NAV3: variants seen among roughly 807,000 people sequenced by gnomAD.
NAV3 encodes the protein neuron navigator 3.
NAV3 carries 87 observed loss-of-function variants against 244.7 expected under a neutral mutation model. The ratio of observed to expected loss-of-function variants is 0.36; its 90% CI spans 0.30 to 0.42. The LOEUF is 0.42. Among genes scored for constraint, NAV3 ranks in the 20% least tolerant of loss-of-function variants. NAV3 has a pLI of 1.00. For synonymous variants in NAV3, 1,126 were observed against 1,042.2 expected, an observed-to-expected ratio of 1.08 and a Z score of -1.55; for missense variants, 2,663 against 2,893.3, an observed-to-expected ratio of 0.92 and a Z score of 1.83.
intron 34 of NAV3, among the ~76,000 whole-genome samples, chr12:78,191,811 A>G (rs1038636102): frequency 1.3e-5 from 2 of 152,186 alleles, no homozygotes; most frequent in Admixed American, 6.6e-5. Context: ...GAAAGGTTTG[A>G]AAGGCCTCTT....
intron 12 of NAV3, among the ~76,000 whole-genome samples, chr12:78,082,257 GT>G (rs1319255795): frequency 6.6e-6 from 1 of 152,102 alleles, no homozygotes; most frequent in African/African-American, 2.4e-5. Flanking sequence ...CCAGTCTCAG[GT>G]ATGTCTTTAT....
intron 2 of NAV3, among the ~76,000 whole-genome samples, chr12:77,715,727 C>T (rs146332060): frequency 1.1e-3 from 160 of 152,100 alleles, no homozygotes; most frequent in African/African-American, 3.5e-3. Flanking sequence ...CAGGCACATA[C>T]AGGCTGAGTA....
At chr12:77,653,185 C>T (rs1019315595) in intron 2 of NAV3, among the ~76,000 whole-genome samples, 1 of 152,284 alleles carries the variant, frequency 6.6e-6, no homozygotes, top group South Asian at 2.1e-4. Context: ...TCTAAGCTGC[C>T]AAAATGCTCA....
At chr12:77,602,718 G>A (rs1223102738) in intron 2 of NAV3, among the ~76,000 whole-genome samples, 1 of 151,968 alleles carries the variant, frequency 6.6e-6, no homozygotes, top group Non-Finnish European at 1.5e-5. Flanking sequence ...CATAATAGCA[G>A]TCTTTAACTT....
upstream of NAV3, chr12:77,830,789 C>T (rs1819057462): frequency 6.6e-6 from 1 of 152,166 alleles, no homozygotes; most frequent in African/African-American, 2.4e-5. Context: ...AAAGTTCTTC[C>T]AACAGCTGTT....
intron 37 of NAV3, 88 bp downstream of exon 37, chr12:78,199,619 C>A (rs1200081924): frequency 1.0e-6 from 1 of 958,130 alleles, no homozygotes; most frequent in African/African-American, 1.7e-5. Context: ...AAATAACAAG[C>A]AAAGCTAATG....
upstream of NAV3, among the ~76,000 whole-genome samples, chr12:77,828,795 A>G (rs1205080128): frequency 6.6e-6 from 1 of 152,220 alleles, no homozygotes; most frequent in Non-Finnish European, 1.5e-5. Context: ...TTCAAAGTGA[A>G]AAGACATCTT....
At chr12:77,938,039 C>T (rs985386984) in intron 1 of NAV3, among the ~76,000 whole-genome samples, 1 of 152,114 alleles carries the variant, frequency 6.6e-6, no homozygotes, top group Non-Finnish European at 1.5e-5. Context: ...AGTAAGTGGT[C>T]TCAAGTCAGA....
intron 1 of NAV3, among the ~76,000 whole-genome samples, chr12:77,857,642 T>G (rs1342341435): frequency 6.6e-6 from 1 of 151,842 alleles, no homozygotes; most frequent in Admixed American, 6.6e-5. Context: ...ATGACATTAC[T>G]TTAGTGTGAA....
Position 78,210,612 on chromosome 12 carries a change from C to A in NAV3, c.*95C>A, listed in dbSNP as rs1030712828. ...AAACCACTGCCAGTATAAAAGCACC[C>A]TGTCAAGGGCCCTGACCCAGAGTTG... On this transcript the variant is annotated 3_prime_UTR_variant, in exon 40 of 40. Transcript: ENST00000397909. 14 of 1,431,920 alleles carry A rather than the reference C, an allele frequency of 9.8e-6. No homozygotes were observed. Among genetic ancestry groups the A allele is most frequent in the Non-Finnish European group, 1.3e-5 (14 of 1,062,984 alleles). The allele number at this position is 1,431,920 out of a possible 1,614,324, so 88.7% of individuals were successfully genotyped here. A position where few individuals can be genotyped will look rare whatever the true frequency, so the allele number is the denominator to read the frequency against.
At chr12:78,207,905 G>A (rs1036534143) in intron 39 of NAV3, among the ~76,000 whole-genome samples, 4 of 152,120 alleles carry the variant, frequency 2.6e-5, no homozygotes, top group African/African-American at 9.7e-5. Flanking sequence ...GAAGGAGATA[G>A]GATGGAATCT....
At chr12:77,938,399 C>G (rs1889534250) in intron 1 of NAV3, among the ~76,000 whole-genome samples, 1 of 152,146 alleles carries the variant, frequency 6.6e-6, no homozygotes, top group African/African-American at 2.4e-5. Flanking sequence ...TCTTACCCTT[C>G]AATATCTTCA....
chr12:77,733,338 G>T (rs1877203731), intron 2 of NAV3, among the ~76,000 whole-genome samples: 2 of 151,934 alleles, frequency 1.3e-5, no homozygotes, highest in Admixed American at 6.6e-5. Context: ...AGGAAGAAGA[G>T]CATTTGGGAG....
intron 1 of NAV3, among the ~76,000 whole-genome samples, chr12:77,873,722 ATCTAAATACATATGTGTG>A (rs1565878604): frequency 1.0e-5 from 1 of 100,412 alleles, no homozygotes; most frequent in African/African-American, 3.4e-5. Context: ...TGATTTGCTT[ATCTAAATACATATGTGTG>A]TGTGTATATA....
intron 22 of NAV3, among the ~76,000 whole-genome samples, chr12:78,154,642 C>T (rs1957228652): frequency 6.6e-6 from 1 of 151,602 alleles, no homozygotes; most frequent in South Asian, 2.1e-4. Context: ...ATAGACTTCA[C>T]CTAACACAAG....
intron 8 of NAV3, among the ~76,000 whole-genome samples, chr12:78,017,362 G>C (rs1296531477): frequency 6.6e-6 from 1 of 152,132 alleles, no homozygotes; most frequent in African/African-American, 2.4e-5. Context: ...GAACCAGGAA[G>C]GTCAAAGCGG....
At chr12:77,658,214 G>T (rs1328913849) in intron 2 of NAV3, among the ~76,000 whole-genome samples, 30 of 152,004 alleles carry the variant, frequency 2.0e-4, no homozygotes, top group African/African-American at 7.0e-4. Flanking sequence ...AAACCCCATT[G>T]TCTCAGCCCA....
intron 12 of NAV3, among the ~76,000 whole-genome samples, chr12:78,078,211 A>C (rs1333805219): frequency 6.6e-6 from 1 of 152,066 alleles, no homozygotes; most frequent in African/African-American, 2.4e-5. Flanking sequence ...CCTATCTCCA[A>C]GTAAGGTCAT....
intron 2 of NAV3, among the ~76,000 whole-genome samples, chr12:77,600,052 T>G (rs2136763800): frequency 6.6e-6 from 1 of 152,138 alleles, no homozygotes; most frequent in African/African-American, 2.4e-5. Context: ...ACAGATTTTC[T>G]TCTCCTTTGT....
Sources: gnomAD v4.1 joint callset for allele counts (sites outside exome capture counted in the v4.1 genomes callset) on GRCh38, gnomAD v4.1.1 for gene constraint, MANE v1.5 for transcripts, NCBI Gene and HGNC (gene_info 2026-07-23, HGNC 2026-07-21) for gene names.